The following ADAMTSL4 variants were observed in gnomAD, a reference collection of about 807,000 sequenced individuals.
ADAMTSL4 encodes the protein ADAMTS like 4.
ADAMTSL4 carries 97 observed loss-of-function variants against 122.8 expected under a neutral mutation model. That is an observed-to-expected ratio of 0.79 (90% CI 0.67 to 0.93). ADAMTSL4 has a LOEUF of 0.93. ADAMTSL4 is among the 40% of genes least tolerant of loss of function. The pLI is 0.00. For missense variants in ADAMTSL4, 1,408 were observed against 1,453.5 expected, an observed-to-expected ratio of 0.97 and a Z score of 0.51; for synonymous variants, 592 against 568.0, an observed-to-expected ratio of 1.04 and a Z score of -0.60.
intron 2 of ADAMTSL4, chr1:150,551,951 A>T (rs1000118867): frequency 3.1e-6 from 1 of 326,732 alleles, no homozygotes. Context: ...GTCCCTAGGT[A>T]GGATTTGGGG....
intron 7 of ADAMTSL4, 122 bp from the exon 8 acceptor site, chr1:150,555,307 C>T: frequency 7.8e-7 from 1 of 1,287,006 alleles, no homozygotes; most frequent in Non-Finnish European, 1.1e-6. Context: ...TCAGCTTGTG[C>T]TGTTGTCACA....
At position 150,554,579 on chromosome 1, in the gene ADAMTSL4, C is replaced by T. The variant is rs1195743001; in HGVS notation, c.1234+112C>T. 1.1e-5 allele frequency: 17 copies of T among 1,555,830 alleles called. No individual in the cohort carries two copies. Among genetic ancestry groups the T allele is most frequent in the Non-Finnish European group, 1.5e-5 (17 of 1,149,674 alleles). On this transcript the variant is annotated intron_variant, in intron 7 of 18. Transcript: ENST00000271643. The surrounding 1 kb of genome is among the most constrained non-coding windows in gnomAD (Gnocchi z 4.0). ...AATGACTTCCAGCCCCTCTGCTTCC[C>T]CTGCGCCATGCCTTCTTTCTTCTCC...
At chr1:150,555,857 A>G (rs772557790) in intron 8 of ADAMTSL4, 3 of 602,976 alleles carry the variant, frequency 5.0e-6, no homozygotes, top group East Asian at 2.8e-5. Context: ...GTAGACACAC[A>G]TGCATGAACA....
chr1:150,555,022 C>T (rs1371072891), intron 7 of ADAMTSL4, among the ~76,000 whole-genome samples: 1 of 150,192 alleles, frequency 6.7e-6, no homozygotes, highest in East Asian at 1.9e-4. Flanking sequence ...CAGAGTCTCA[C>T]TCTGTCACCC....
rs372151785 is a variant in ADAMTSL4, at chr1:150,559,031, G to C, written c.2629G>C (p.Gly877Arg). Reference protein sequence around the residue: ...VVCLGSGAALGPGQGEAGAGT... With the variant: ...VVCLGSGAALRPGQGEAGAGT... ...CTGCCTTGGGAGTGGGGCAGCCCTC[G>C]GGCCAGGCCAGGGGGAAGCAGGAGC... Residue 877 changes from glycine (G) to arginine (R), a missense_variant, in exon 16 of 19, where the codon GGG (glycine) becomes CGG (arginine). Gly to Arg is a moderately radical substitution (Grantham distance 125, BLOSUM62 -2). Coordinates refer to ENST00000271643, the MANE Select transcript of ADAMTSL4 (RefSeq NM_019032.6). The surrounding 1 kb of genome is among the most constrained non-coding windows in gnomAD (Gnocchi z 4.1). The C allele has an allele frequency of 2.5e-6, 4 of 1,612,120 alleles. No individual in the cohort carries two copies. The highest frequency in any genetic ancestry group is 2.2e-5 in the South Asian group (2 of 90,980).
chr1:150,551,646 C>T (rs587675742), intron 2 of ADAMTSL4: 2 of 156,526 alleles, frequency 1.3e-5, no homozygotes, highest in East Asian at 1.9e-4. Context: ...CACCTGTCAT[C>T]CCAGCACTTT....
chr1:150,552,610 G>A lies in ADAMTSL4; in HGVS notation c.78+10G>A. On this transcript the variant is annotated intron_variant, in intron 4 of 18. Transcript: ENST00000271643. The surrounding 1 kb of genome is among the most constrained non-coding windows in gnomAD (Gnocchi z 4.0). ...CTGCTTGGATCAGGAGGTGAGTTCTGGACAAGTGAGCAGCTGCAGCCTGCC... is the reference window on the plus strand; with the variant it reads ...CTGCTTGGATCAGGAGGTGAGTTCTAGACAAGTGAGCAGCTGCAGCCTGCC... 1 of 1,612,714 alleles carries A rather than the reference G, an allele frequency of 6.2e-7. No homozygotes were observed. Among genetic ancestry groups the A allele is most frequent in the Non-Finnish European group, 8.5e-7 (1 of 1,179,610 alleles).
rs587612641 is a variant in ADAMTSL4 at position 150,556,616 on chromosome 1, C to T, written c.1577-5C>T. 101 of 1,614,008 alleles carry T rather than the reference C, an allele frequency of 6.3e-5. No individual in the cohort carries two copies. The highest frequency in any genetic ancestry group is 7.9e-5 in the Non-Finnish European group (93 of 1,180,014). ...ATTTCCCGATCTCTCACCTCTGACC[C>T]GCAGCACTTCGTGGCCCTGGGGGCC... On this transcript the variant is annotated splice_polypyrimidine_tract_variant and splice_region_variant and intron_variant, in intron 9 of 18. Coordinates refer to ENST00000271643, the MANE Select transcript of ADAMTSL4 (RefSeq NM_019032.6). This position sits in a 1 kb window ranked among gnomAD's most constrained non-coding sequence, Gnocchi z 4.1.
At position 150,559,575 on chromosome 1, in the gene ADAMTSL4, A is replaced by C. The variant is rs1483431273; in HGVS notation, c.2943+109A>C. 1 of 1,567,992 alleles carries C rather than the reference A, an allele frequency of 6.4e-7. No individual in the cohort carries two copies. Among genetic ancestry groups the C allele is most frequent in the Non-Finnish European group, 8.7e-7 (1 of 1,152,228 alleles). ...TCTCTCTGTGCCCCAGAATAAGCCC[A>C]GCCAAGCGTTACCACTGTCCTACTT... On this transcript the variant is annotated intron_variant, in intron 17 of 18. Transcript: ENST00000271643. The surrounding 1 kb of genome is among the most constrained non-coding windows in gnomAD (Gnocchi z 4.1).
Position 150,554,698 on chromosome 1 carries a change from C to T in ADAMTSL4, c.1234+231C>T. Reference sequence around the variant, plus strand: ...GTGTGGGAGACACGCTTTGTCCGGACTCCCCTGGGAAGGCCATCACTGGGG... The same window carrying T: ...GTGTGGGAGACACGCTTTGTCCGGATTCCCCTGGGAAGGCCATCACTGGGG... On this transcript the variant is annotated intron_variant, in intron 7 of 18. Transcript: ENST00000271643. This position sits in a 1 kb window ranked among gnomAD's most constrained non-coding sequence, Gnocchi z 4.0. The T allele has an allele frequency of 6.6e-7, 1 of 1,519,302 alleles. No homozygotes were observed. The highest frequency in any genetic ancestry group is 8.8e-7 in the Non-Finnish European group (1 of 1,134,346). 94.1% of individuals were successfully genotyped at this position (1,519,302 alleles called of 1,614,324 possible). A position where few individuals can be genotyped will look rare whatever the true frequency, so the allele number is the denominator to read the frequency against.
Position 150,559,116 on chromosome 1 carries a change from TG to T in ADAMTSL4, c.2718del (p.Cys908ValfsTer40). ...CCCCCTGACATGCGCGCCTGCAGCCTGGGGCCCTGTGAGAGAACTTGGCGCT... is the reference window on the plus strand; with the variant it reads ...CCCCCTGACATGCGCGCCTGCAGCCTGGGCCCTGTGAGAGAACTTGGCGCT... ...SRPPDMRACS[L>X]GPCERTWRWY... On this transcript the variant is annotated frameshift_variant, in exon 16 of 19. Coordinates refer to ENST00000271643, the MANE Select transcript of ADAMTSL4 (RefSeq NM_019032.6). LOFTEE classifies it high-confidence loss of function. This position sits in a 1 kb window ranked among gnomAD's most constrained non-coding sequence, Gnocchi z 4.1. 6.2e-7 allele frequency: 1 copy of T among 1,612,808 alleles called. No homozygotes were observed. Among genetic ancestry groups the T allele is most frequent in the Non-Finnish European group, 8.5e-7 (1 of 1,179,886 alleles).
rs1671570477 is a variant in ADAMTSL4 at position 150,552,899 on chromosome 1, T to C, written c.80T>C (p.Val27Ala). The change falls in exon 5 of 19, where the codon GTG becomes GCG. Residue 27 changes from valine to alanine, a missense_variant and splice_region_variant. Val to Ala is a moderately conservative substitution (Grantham distance 64). Coordinates refer to ENST00000271643, the MANE Select transcript of ADAMTSL4 (RefSeq NM_019032.6). This position sits in a 1 kb window ranked among gnomAD's most constrained non-coding sequence, Gnocchi z 4.0. The stretch of plus-strand genomic sequence containing the variant: ...TGTCTGACCTTTTTCTCTATATAGG[T>C]GTTGTCCGGACACTCTCTTCAGACA... Reference protein sequence around the residue: ...SLPQLCLDQEVLSGHSLQTPT... With the variant: ...SLPQLCLDQEALSGHSLQTPT... The C allele has an allele frequency of 6.2e-7, 1 of 1,612,050 alleles. No homozygotes were observed. The highest frequency in any genetic ancestry group is 1.1e-5 in the South Asian group (1 of 91,084).
chr1:150,556,204 G>C lies in ADAMTSL4; in HGVS notation c.1414G>C (p.Asp472His), dbSNP rs2101621912. Reference protein sequence around the residue: ...DGILGSGRRPDGCGVCGGDDS... With the variant: ...DGILGSGRRPHGCGVCGGDDS... ...GATCCTTGGCTCTGGCAGGCGTCCT[G>C]ATGGCTGTGGAGTCTGTGGGGGTGA... Residue 472 changes from aspartate (D) to histidine (H), a missense_variant, in exon 9 of 19, where the codon GAT becomes CAT. Asp to His is a moderately conservative substitution (Grantham distance 81, BLOSUM62 -1). Coordinates refer to ENST00000271643, the MANE Select transcript of ADAMTSL4 (RefSeq NM_019032.6). This position sits in a 1 kb window ranked among gnomAD's most constrained non-coding sequence, Gnocchi z 4.1. 1.2e-6 allele frequency: 2 copies of C among 1,614,198 alleles called. No individual in the cohort carries two copies. Among genetic ancestry groups the C allele is most frequent in the Non-Finnish European group, 1.7e-6 (2 of 1,180,050 alleles).
At position 150,556,682 on chromosome 1, in the gene ADAMTSL4, G is replaced by GT; in HGVS notation, c.1639dup (p.Ser547PhefsTer12). On this transcript the variant is annotated frameshift_variant, in exon 10 of 19. Transcript: ENST00000271643. LOFTEE classifies it high-confidence loss of function. This position sits in a 1 kb window ranked among gnomAD's most constrained non-coding sequence, Gnocchi z 4.1. ...GGAACTGGGCTGTGGATCCCCCTGG[G>GT]TCCTACAGGGCCGGCGGGACCGTCT... is the stretch of plus-strand genomic sequence containing the variant. 4 of 1,614,048 alleles carry GT rather than the reference G, an allele frequency of 2.5e-6. No homozygotes were observed. Among genetic ancestry groups the GT allele is most frequent in the Non-Finnish European group, 3.4e-6 (4 of 1,180,002 alleles).
chr1:150,560,126 C>T lies in ADAMTSL4; in HGVS notation c.3155C>T (p.Pro1052Leu), dbSNP rs371789140. 127 of 1,614,012 alleles carry T rather than the reference C, an allele frequency of 7.9e-5. No homozygotes were observed. Among genetic ancestry groups the T allele is most frequent in the Middle Eastern group, 3.3e-4 (2 of 6,084 alleles). ...GTACAGGCCCGGCTCTGCGTCTACCCCTACTACACAGCCACCTGTTGCCGC... is the reference window on the plus strand; with the variant it reads ...GTACAGGCCCGGCTCTGCGTCTACCTCTACTACACAGCCACCTGTTGCCGC... ...LVVQARLCVY[P>L]YYTATCCRSC... The change falls in exon 19 of 19, where the codon CCC becomes CTC. Residue 1052 changes from proline to leucine, a missense_variant. Coordinates refer to ENST00000271643, the MANE Select transcript of ADAMTSL4 (RefSeq NM_019032.6).
Position 150,552,952 on chromosome 1 carries a change from G to C in ADAMTSL4, c.133G>C (p.Gly45Arg), listed in dbSNP as rs1288510693. ...TPTEEGQGPE[G>R]VWGPWVQWAS... ...TACAGAGGAGGGCCAGGGCCCCGAAGGTGTCTGGGGACCTTGGGTCCAGTG... is the reference window on the plus strand; with the variant it reads ...TACAGAGGAGGGCCAGGGCCCCGAACGTGTCTGGGGACCTTGGGTCCAGTG... The change falls in exon 5 of 19, where the codon GGT (glycine) becomes CGT (arginine). Residue 45 changes from glycine (G) to arginine (R), a missense_variant. By Grantham distance (125) the Gly-to-Arg change is moderately radical (BLOSUM62 -2). Coordinates refer to ENST00000271643, the MANE Select transcript of ADAMTSL4 (RefSeq NM_019032.6). The surrounding 1 kb of genome is among the most constrained non-coding windows in gnomAD (Gnocchi z 4.0). 1 of 1,613,130 alleles carries C rather than the reference G, an allele frequency of 6.2e-7. No individual in the cohort carries two copies. The highest frequency in any genetic ancestry group is 8.5e-7 in the Non-Finnish European group (1 of 1,179,986).
chr1:150,551,275 A>C, intron 2 of ADAMTSL4: 3 of 344,582 alleles, frequency 8.7e-6, no homozygotes, highest in Non-Finnish European at 1.7e-5. Flanking sequence ...AACCAACTCC[A>C]GATGCTGGCA....
rs964725578 is a variant in ADAMTSL4, at chr1:150,550,255, C to G, written c.-85+360C>G. On this transcript the variant is annotated intron_variant, in intron 2 of 18. Coordinates refer to ENST00000271643, the MANE Select transcript of ADAMTSL4 (RefSeq NM_019032.6). ...CCTCGTCCTGGGCCGGGAACGACAC[C>G]AAATGAGGGACATGGAAAGGGGTGA... The G allele has an allele frequency of 4.8e-5, 22 of 453,708 alleles. No individual in the cohort carries two copies. The East Asian group carries it at 9.8e-4, about 20-fold the overall frequency. 28.1% of individuals were successfully genotyped at this position (453,708 alleles called of 1,614,324 possible). A position where few individuals can be genotyped will look rare whatever the true frequency, so the allele number is the denominator to read the frequency against.
Position 150,557,238 on chromosome 1 carries a change from G to A in ADAMTSL4, c.1950G>A (p.Gln650=), listed in dbSNP as rs1570951013. The A allele has an allele frequency of 1.2e-6, 2 of 1,605,676 alleles. No homozygotes were observed. The highest frequency in any genetic ancestry group is 1.1e-5 in the South Asian group (1 of 90,780). The change falls in exon 12 of 19, where the codon CAG becomes CAA. Residue 650 remains glutamine (Q), a synonymous_variant. Coordinates refer to ENST00000271643, the MANE Select transcript of ADAMTSL4 (RefSeq NM_019032.6). ...TCCAGCGTCAGGTGCGGATCCCCCA[G>A]ATGCCCGCCCCGCCCCATCCCAGGA... ...GTLQRQVRIP[Q]MPAPPHPRTP... is the part of the protein sequence containing the mutation.
Sources: gnomAD v4.1 joint callset for allele counts (sites outside exome capture counted in the v4.1 genomes callset) on GRCh38, gnomAD v4.1.1 for gene constraint, Gnocchi (gnomAD v3.1) non-coding constraint, MANE v1.5 for transcripts, NCBI Gene and HGNC (gene_info 2026-07-23, HGNC 2026-07-21) for gene names.